The following ACYP2 variants were observed in gnomAD, a reference collection of about 807,000 sequenced individuals.
ACYP2 encodes acylphosphatase-2.
A neutral mutation model predicts 11.2 loss-of-function variants in ACYP2; 12 were observed. The ratio of observed to expected loss-of-function variants is 1.08; its 90% CI spans 0.69 to 1.74. The LOEUF is 1.74. ACYP2 is among the 40% of genes most tolerant of loss of function. The probability of loss-of-function intolerance (pLI) is 0.00; values close to 1 mark genes in which losing one functional copy is unlikely to be tolerated. For missense variants in ACYP2, 134 were observed against 101.9 expected (o/e 1.31, Z -1.35); for synonymous variants, 43 against 32.2 (o/e 1.33, Z -1.13).
intron 2 of ACYP2, among the ~76,000 whole-genome samples, chr2:53,991,890 C>G (rs893241888): frequency 6.6e-6 from 1 of 152,098 alleles, no homozygotes; most frequent in African/African-American, 2.4e-5. Flanking sequence ...CAGACTCGAG[C>G]TCTTGGCCTA....
intron 6 of ACYP2, among the ~76,000 whole-genome samples, chr2:54,237,816 T>A (rs2103978340): frequency 6.6e-6 from 1 of 152,292 alleles, no homozygotes; most frequent in East Asian, 1.9e-4. Flanking sequence ...AGTCATTATC[T>A]TCTTGAATAT....
chr2:54,286,036 T>C (rs1689064162), intron 6 of ACYP2, among the ~76,000 whole-genome samples: 2 of 152,216 alleles, frequency 1.3e-5, no homozygotes. Flanking sequence ...AATAAACCCA[T>C]TGTAAGTTGA....
At chr2:54,160,381 A>G (rs1558577866) in intron 6 of ACYP2, among the ~76,000 whole-genome samples, 1 of 152,202 alleles carries the variant, frequency 6.6e-6, no homozygotes, top group Non-Finnish European at 1.5e-5. Flanking sequence ...CCTGGCAGTA[A>G]TCAGCTTTTT....
intron 6 of ACYP2, among the ~76,000 whole-genome samples, chr2:54,265,364 T>C (rs1687970731): frequency 6.6e-6 from 1 of 152,150 alleles, no homozygotes; most frequent in Non-Finnish European, 1.5e-5. Flanking sequence ...ACTTATTCAC[T>C]ATCACAAGAA....
intron 6 of ACYP2, among the ~76,000 whole-genome samples, chr2:54,214,006 CACCTCAGCCTCCTGA>C (rs1340904868): frequency 6.6e-6 from 1 of 152,040 alleles, no homozygotes; most frequent in African/African-American, 2.4e-5. Context: ...GCAGTTCTAC[CACCTCAGCCTCCTGA>C]AGTGCTGGGA....
intron 4 of ACYP2, among the ~76,000 whole-genome samples, chr2:54,087,000 G>A (rs1263118163): frequency 6.6e-6 from 1 of 152,200 alleles, no homozygotes; most frequent in Non-Finnish European, 1.5e-5. Flanking sequence ...AACTAGTAGA[G>A]CTATTTTAAA....
chr2:54,123,613 T>TAATTCCCC (rs1680282381), intron 4 of ACYP2, among the ~76,000 whole-genome samples: 1 of 151,934 alleles, frequency 6.6e-6, no homozygotes, highest in South Asian at 2.1e-4. Flanking sequence ...ATTCCCCACC[T>TAATTCCCC]CATTCCCCCA....
At chr2:54,201,414 TG>T (rs1684755790) in intron 6 of ACYP2, among the ~76,000 whole-genome samples, 1 of 151,988 alleles carries the variant, frequency 6.6e-6, no homozygotes, top group Non-Finnish European at 1.5e-5. Context: ...TGGTTCTCTT[TG>T]TTTTAATTGT....
chr2:54,266,700 G>C (rs1264772968), intron 6 of ACYP2, among the ~76,000 whole-genome samples: 1 of 139,322 alleles, frequency 7.2e-6, no homozygotes, highest in East Asian at 2.4e-4. Context: ...CCGCCGTCCG[G>C]GTTCACGCCA....
At chr2:54,199,345 C>T (rs1684654518) in intron 6 of ACYP2, among the ~76,000 whole-genome samples, 1 of 152,206 alleles carries the variant, frequency 6.6e-6, no homozygotes, top group Non-Finnish European at 1.5e-5. Context: ...TCTGCTCGTG[C>T]ACACGTGTCA....
chr2:54,186,500 TTTGTTGTTG>T (rs964918480), intron 6 of ACYP2, among the ~76,000 whole-genome samples: 2 of 151,950 alleles, frequency 1.3e-5, no homozygotes, highest in Non-Finnish European at 2.9e-5. Context: ...TAAATAGCAT[TTTGTTGTTG>T]TTGTTGTTGT....
intron 4 of ACYP2, among the ~76,000 whole-genome samples, chr2:54,112,632 A>G (rs62137980): frequency 0.25 from 37,449 of 152,140 alleles, 5,171 homozygotes; most frequent in South Asian, 0.47. Flanking sequence ...TTATCCACCT[A>G]ATGTGATTTA....
chr2:53,995,144 C>G (rs1672509310), intron 2 of ACYP2, among the ~76,000 whole-genome samples: 1 of 152,042 alleles, frequency 6.6e-6, no homozygotes, highest in Non-Finnish European at 1.5e-5. Flanking sequence ...TAAACTCTAG[C>G]TGCAGCTCTT....
intron 6 of ACYP2, among the ~76,000 whole-genome samples, chr2:54,280,494 T>G (rs1028104208): frequency 6.6e-6 from 1 of 151,658 alleles, no homozygotes; most frequent in Non-Finnish European, 1.5e-5. Context: ...AGAGAGTAAA[T>G]CAAGATTAAG....
intron 2 of ACYP2, among the ~76,000 whole-genome samples, chr2:53,990,860 G>T (rs866421541): frequency 1.1e-4 from 17 of 151,598 alleles, no homozygotes; most frequent in African/African-American, 3.9e-4. Context: ...GCGGTGGCGC[G>T]ATCTCGGCTC....
rs117247206 is a variant in ACYP2, at chr2:54,232,361, C to T, written c.405-72327C>T. On this transcript the variant is annotated intron_variant, in intron 6 of 6. Transcript: ENST00000607452. ...AGGACCAGTGTAGGTCTTGTGCTAC[C>T]TCTGACACCATCACTTAGACCAGGG... 3.2e-4 allele frequency among the ~76,000 whole-genome samples: 48 copies of T among 151,580 alleles called. No homozygotes were observed. The East Asian group carries it at 8.2e-3, about 26-fold the overall frequency.
chr2:54,152,723 C>T (rs956085320), intron 6 of ACYP2, among the ~76,000 whole-genome samples: 2 of 152,144 alleles, frequency 1.3e-5, no homozygotes, highest in Non-Finnish European at 2.9e-5. Flanking sequence ...TATGGCTTGA[C>T]ATTTCATTTC....
intron 6 of ACYP2, among the ~76,000 whole-genome samples, chr2:54,298,845 A>G (rs1689617373): frequency 6.6e-6 from 1 of 152,172 alleles, no homozygotes; most frequent in South Asian, 2.1e-4. Flanking sequence ...TCTGCCTCCC[A>G]GGTTGAAGCG....
intron 1 of ACYP2, among the ~76,000 whole-genome samples, chr2:53,972,601 C>T (rs1304270789): frequency 6.6e-6 from 1 of 150,930 alleles, no homozygotes; most frequent in Non-Finnish European, 1.5e-5. Context: ...AGCGAGACTC[C>T]GTCTCAAAAA....
Sources: gnomAD v4.1 joint callset for allele counts (sites outside exome capture counted in the v4.1 genomes callset) on GRCh38, gnomAD v4.1.1 for gene constraint, MANE v1.5 for transcripts, NCBI Gene and HGNC (gene_info 2026-07-23, HGNC 2026-07-21) for gene names.